ZRANB1: variants seen among roughly 807,000 people sequenced by gnomAD.
ZRANB1 encodes ubiquitin thioesterase ZRANB1.
In ZRANB1, 16 loss-of-function variants were observed where a neutral mutation model predicts 80.5. The observed-to-expected ratio is 0.20, with a 90% CI of 0.13 to 0.30. The LOEUF is 0.30. Among genes scored for constraint, ZRANB1 ranks in the 10% least tolerant of loss-of-function variants. The pLI is 1.00. For missense variants in ZRANB1, 576 were observed against 862.6 expected (o/e 0.67, Z 4.16); for synonymous variants, 291 against 293.1 (o/e 0.99, Z 0.07).
the ZRANB1 span, among the ~76,000 whole-genome samples, chr10:124,923,821 G>A: frequency 1.3e-5 from 2 of 151,770 alleles, no homozygotes; most frequent in East Asian, 1.9e-4. Context: ...CCCATGATCC[G>A]GTCACTTCCC....
intron 1 of ZRANB1, 152 bp from the exon 2 acceptor site, chr10:124,966,442 T>G (rs1951776834): frequency 1.3e-6 from 1 of 753,328 alleles, no homozygotes; most frequent in Non-Finnish European, 2.1e-6. Context: ...GGAAAAAACT[T>G]ATTTTCCTTA....
chr10:124,953,972 C>G (rs1418905716), intron 1 of ZRANB1, among the ~76,000 whole-genome samples: 1 of 144,306 alleles, frequency 6.9e-6, no homozygotes, highest in African/African-American at 2.6e-5. Context: ...TCTTTCTTTT[C>G]TTTTTTTTCT....
At chr10:124,973,015 A>C (rs1009597627) in intron 3 of ZRANB1, among the ~76,000 whole-genome samples, 1 of 152,224 alleles carries the variant, frequency 6.6e-6, no homozygotes. Flanking sequence ...TTTAATTTTT[A>C]TGTTCAGACA....
At chr10:124,971,005 G>A (rs1486234194) in intron 2 of ZRANB1, among the ~76,000 whole-genome samples, 1 of 151,936 alleles carries the variant, frequency 6.6e-6, no homozygotes, top group East Asian at 1.9e-4. Flanking sequence ...AGTATTTTTA[G>A]TAGAGACAGG....
intron 1 of ZRANB1, chr10:124,945,089 A>G (rs1180794772): frequency 6.6e-6 from 1 of 152,226 alleles, no homozygotes; most frequent in Non-Finnish European, 1.5e-5. Flanking sequence ...TAGAGATCAA[A>G]TTGATTTAAC....
chr10:124,953,300 G>A (rs927339730), intron 1 of ZRANB1, among the ~76,000 whole-genome samples: 5 of 152,126 alleles, frequency 3.3e-5, no homozygotes, highest in Non-Finnish European at 5.9e-5. Flanking sequence ...GGAGGTCAGA[G>A]CCATTGTTAA....
In ZRANB1 at chr10:124,983,694, C is replaced by T. The variant is rs1452927953; in HGVS notation, c.1908+6C>T. ...ACTTCCTTTCTGCTCAGGAGGTAAGCAGTTTCTCCTATGAACTATTTCTAG... is the reference window on the plus strand; with the variant it reads ...ACTTCCTTTCTGCTCAGGAGGTAAGTAGTTTCTCCTATGAACTATTTCTAG... On this transcript the variant is annotated splice_donor_region_variant and intron_variant, in intron 8 of 8. Coordinates refer to ENST00000359653, the MANE Select transcript of ZRANB1 (RefSeq NM_017580.3). This position sits in a 1 kb window ranked among gnomAD's most constrained non-coding sequence, Gnocchi z 6.2. 1 of 1,564,260 alleles carries T rather than the reference C, an allele frequency of 6.4e-7. No homozygotes were observed. Among genetic ancestry groups the T allele is most frequent in the African/African-American group, 1.4e-5 (1 of 73,966 alleles).
At chr10:124,918,482 C>G in the ZRANB1 span, among the ~76,000 whole-genome samples, 4 of 152,230 alleles carry the variant, frequency 2.6e-5, no homozygotes, top group Non-Finnish European at 5.9e-5. Flanking sequence ...TGCCACCGCG[C>G]TTGGCCTGAG....
Position 124,987,880 on chromosome 10 carries a change from A to AAAAG in ZRANB1, c.*2891_*2894dup, listed in dbSNP as rs1268535521. On this transcript the variant is annotated 3_prime_UTR_variant, in exon 9 of 9. Coordinates refer to ENST00000359653, the MANE Select transcript of ZRANB1 (RefSeq NM_017580.3). The stretch of plus-strand genomic sequence containing the variant: ...TAGTATAAAGGTTTAATTCTATTTA[A>AAAAG]AAAGAAGATCCATTAAATCAAGCTC... 1 of 152,270 alleles carries AAAAG rather than the reference A, an allele frequency of 6.6e-6. No individual in the cohort carries two copies. The highest frequency in any genetic ancestry group is 1.5e-5 in the Non-Finnish European group (1 of 68,042). 9.4% of individuals were successfully genotyped at this position (152,270 alleles called of 1,614,324 possible). A position where few individuals can be genotyped will look rare whatever the true frequency, so the allele number is the denominator to read the frequency against.
In ZRANB1 at chr10:124,985,236, T is replaced by C; in HGVS notation, c.*244T>C. 1 of 413,568 alleles carries C rather than the reference T, an allele frequency of 2.4e-6. No homozygotes were observed. Among genetic ancestry groups the C allele is most frequent in the African/African-American group, 2.0e-5 (1 of 49,810 alleles). The allele number at this position is 413,568 out of a possible 1,614,324, so 25.6% of individuals were successfully genotyped here. On this transcript the variant is annotated 3_prime_UTR_variant, in exon 9 of 9. Coordinates refer to ENST00000359653, the MANE Select transcript of ZRANB1 (RefSeq NM_017580.3). ...CTAATTTTATTAAGACAGAACTTTT[T>C]TTCCTTCCAAATTGTAAATCTGTCT... is the stretch of plus-strand genomic sequence containing the variant.
chr10:124,978,632 T>A (rs1005543583), intron 5 of ZRANB1, among the ~76,000 whole-genome samples: 1 of 152,046 alleles, frequency 6.6e-6, no homozygotes, highest in Non-Finnish European at 1.5e-5. Flanking sequence ...ATTATTCCTT[T>A]TTTTCTTTTT....
chr10:124,924,231 A>G, the ZRANB1 span, among the ~76,000 whole-genome samples: 1 of 151,900 alleles, frequency 6.6e-6, no homozygotes, highest in Admixed American at 6.6e-5. Flanking sequence ...TTTAATTCAT[A>G]TAAATAAAAA....
At position 124,983,328 on chromosome 10, in the gene ZRANB1, T is replaced by G. The variant is rs77078820; in HGVS notation, c.1678+24T>G. The G allele has an allele frequency of 1.3e-3, 2,134 of 1,611,946 alleles. 3 individuals carry two copies. Among genetic ancestry groups the G allele is most frequent in the Middle Eastern group, 1.5e-3 (9 of 6,048 alleles). The stretch of plus-strand genomic sequence containing the variant: ...AGGTAAGCCATTATTCAGGAACGTT[T>G]TACAAGTTTCTTTGAACGGAATGGC... On this transcript the variant is annotated intron_variant, in intron 7 of 8. Coordinates refer to ENST00000359653, the MANE Select transcript of ZRANB1 (RefSeq NM_017580.3). This position sits in a 1 kb window ranked among gnomAD's most constrained non-coding sequence, Gnocchi z 6.2.
intron 4 of ZRANB1, 129 bp downstream of exon 4, chr10:124,973,845 C>A (rs2133986640): frequency 1.2e-6 from 1 of 815,650 alleles, no homozygotes; most frequent in Non-Finnish European, 1.9e-6. Flanking sequence ...GACGTAAAGT[C>A]CTGAAGTTCA....
the ZRANB1 span, among the ~76,000 whole-genome samples, chr10:124,926,874 G>T: frequency 6.6e-6 from 1 of 152,182 alleles, no homozygotes; most frequent in Non-Finnish European, 1.5e-5. Context: ...TTTCAGCTTT[G>T]TTATATAATC....
chr10:124,977,693 AGAGT>A (rs1951890279), intron 5 of ZRANB1, among the ~76,000 whole-genome samples: 1 of 142,962 alleles, frequency 7.0e-6, no homozygotes. Context: ...CCTAGGTGAC[AGAGT>A]GAGACCCTGC....
intron 1 of ZRANB1, among the ~76,000 whole-genome samples, chr10:124,949,447 A>ATC (rs1951614245): frequency 1.3e-5 from 1 of 77,860 alleles, no homozygotes; most frequent in African/African-American, 3.8e-5. Flanking sequence ...TTACACACAT[A>ATC]TGTATATATA....
intron 1 of ZRANB1, chr10:124,962,268 A>G (rs1274325832): frequency 5.2e-5 from 22 of 419,704 alleles, no homozygotes; most frequent in Non-Finnish European, 6.4e-5. Context: ...ACCACTTAAA[A>G]CTAACTTTTC....
At chr10:124,927,550 CT>C in the ZRANB1 span, among the ~76,000 whole-genome samples, 1 of 152,124 alleles carries the variant, frequency 6.6e-6, no homozygotes, top group Non-Finnish European at 1.5e-5. Flanking sequence ...ACTAACTAAA[CT>C]TTTTGTGGAA....
Sources: gnomAD v4.1 joint callset for allele counts (sites outside exome capture counted in the v4.1 genomes callset) on GRCh38, gnomAD v4.1.1 for gene constraint, Gnocchi (gnomAD v3.1) non-coding constraint, MANE v1.5 for transcripts, NCBI Gene and HGNC (gene_info 2026-07-23, HGNC 2026-07-21) for gene names.